The following ELAPOR1 variants were observed in gnomAD, a reference collection of about 807,000 sequenced individuals.
ELAPOR1 encodes the protein endosome/lysosome-associated apoptosis and autophagy regulator 1.
A neutral mutation model predicts 119.7 loss-of-function variants in ELAPOR1; 77 were observed. The ratio of observed to expected loss-of-function variants is 0.64; its 90% confidence interval spans 0.54 to 0.78. The LOEUF is 0.78. Among genes scored for constraint, ELAPOR1 ranks in the 30% least tolerant of loss-of-function variants. The pLI is 0.00. For synonymous variants in ELAPOR1, 481 were observed against 487.2 expected (o/e 0.99, Z 0.17); for missense variants, 1,115 against 1,270.4 (o/e 0.88, Z 1.86).
chr1:109,164,240 T>G (rs1651433608), intron 2 of ELAPOR1, among the ~76,000 whole-genome samples: 1 of 152,110 alleles, frequency 6.6e-6, no homozygotes, highest in Non-Finnish European at 1.5e-5. Flanking sequence ...CAAATCTACT[T>G]TCTGTCTCTA....
rs541638278 is a variant in ELAPOR1 at position 109,170,703 on chromosome 1, A to G, written c.468-1163A>G. On this transcript the variant is annotated intron_variant, in intron 3 of 21. Transcript: ENST00000369939. ...AGTCCCAGGGGTTTTAATTTGAAGCAAGGGAGTGCCATGGTCAGACGTCTA... is the reference window on the plus strand; with the variant it reads ...AGTCCCAGGGGTTTTAATTTGAAGCGAGGGAGTGCCATGGTCAGACGTCTA... Among the ~76,000 whole-genome samples, 12 of 152,302 alleles carry G rather than the reference A, an allele frequency of 7.9e-5. No individual in the cohort carries two copies. The South Asian group carries it at 2.5e-3, about 32-fold the overall frequency.
Position 109,192,891 on chromosome 1 carries a change from A to G in ELAPOR1, c.1947+17A>G. ...AACAACAAGGTACCTGTAGTCTGGC[A>G]TGCATCCTAAACCTGACCCTCTGCT... On this transcript the variant is annotated intron_variant, in intron 14 of 21. Coordinates refer to ENST00000369939, the MANE Select transcript of ELAPOR1 (RefSeq NM_020775.5). The G allele has an allele frequency of 1.2e-6, 2 of 1,611,842 alleles. No individual in the cohort carries two copies. Among genetic ancestry groups the G allele is most frequent in the South Asian group, 1.1e-5 (1 of 90,894 alleles).
chr1:109,117,954 C>T lies in ELAPOR1; in HGVS notation c.153+3618C>T, dbSNP rs148917463. On this transcript the variant is annotated intron_variant, in intron 1 of 21. Coordinates refer to ENST00000369939, the MANE Select transcript of ELAPOR1 (RefSeq NM_020775.5). ...AAACCAGCCTGGCCAACATTGAAAC[C>T]CTGTCTCTACTAAAAATACAAAATT... 1.3e-3 allele frequency among the ~76,000 whole-genome samples: 192 copies of T among 152,122 alleles called. 1 individual carries two copies. The highest frequency in any genetic ancestry group is 4.3e-3 in the African/African-American group (179 of 41,502).
intron 21 of ELAPOR1, chr1:109,201,294 A>C (rs1654159977): frequency 2.2e-6 from 1 of 457,806 alleles, no homozygotes; most frequent in African/African-American, 2.0e-5. Flanking sequence ...CTCTCCTTTG[A>C]CCAGTGGGGG....
intron 1 of ELAPOR1, among the ~76,000 whole-genome samples, chr1:109,144,033 T>TTATA (rs1265476565): frequency 1.1e-3 from 103 of 91,816 alleles, no homozygotes; most frequent in African/African-American, 1.6e-3. Context: ...TTTTCTAAAA[T>TTATA]TATATATATA....
intron 1 of ELAPOR1, among the ~76,000 whole-genome samples, chr1:109,144,059 A>ATTTTT (rs1243626258): frequency 7.3e-4 from 25 of 34,422 alleles, no homozygotes; most frequent in South Asian, 4.3e-3. Flanking sequence ...ATATATTTAT[A>ATTTTT]TATTTTTTTT....
In ELAPOR1 at chr1:109,173,539, A is replaced by T. The variant is rs1314249586; in HGVS notation, c.762A>T (p.Lys254Asn). The change falls in exon 6 of 22, where the codon AAA (lysine) becomes AAT (asparagine). Residue 254 changes from lysine to asparagine, a missense_variant. By Grantham distance (94) the Lys-to-Asn change is moderately conservative. Coordinates refer to ENST00000369939, the MANE Select transcript of ELAPOR1 (RefSeq NM_020775.5). The part of the protein sequence containing the change: ...WRTTAFSVWT[K>N]VPKPVLVRNI... Reference sequence around the variant, plus strand: ...CCACAGCCTTCTCAGTATGGACCAAAGTACCCAAGCCTGTGCTGGTGAGAA... The same window carrying T: ...CCACAGCCTTCTCAGTATGGACCAATGTACCCAAGCCTGTGCTGGTGAGAA... The T allele has an allele frequency of 6.2e-7, 1 of 1,614,098 alleles. No individual in the cohort carries two copies. Among genetic ancestry groups the T allele is most frequent in the African/African-American group, 1.3e-5 (1 of 74,936 alleles).
chr1:109,177,020 T>C (rs75851782), intron 7 of ELAPOR1, among the ~76,000 whole-genome samples: 14,431 of 118,328 alleles, frequency 0.12, 1,098 homozygotes, highest in Middle Eastern at 0.22. Flanking sequence ...TACACAGACA[T>C]GGCAACCATC....
At chr1:109,192,984 CT>C (rs1653549528) in intron 14 of ELAPOR1, 110 bp downstream of exon 14, 7 of 1,228,362 alleles carry the variant, frequency 5.7e-6, no homozygotes, top group Middle Eastern at 2.9e-4. Flanking sequence ...AGTGCTCCCC[CT>C]AGCATACTCC....
At chr1:109,201,298 G>GT (rs1430395081) in intron 21 of ELAPOR1, 4 of 457,744 alleles carry the variant, frequency 8.7e-6, no homozygotes. Flanking sequence ...CCTTTGACCA[G>GT]TGGGGGGTGC....
chr1:109,122,356 T>TAAAA (rs71069650), intron 1 of ELAPOR1, among the ~76,000 whole-genome samples: 1 of 115,034 alleles, frequency 8.7e-6, no homozygotes. Flanking sequence ...ACCTTTCCAT[T>TAAAA]AAAAAAAAAA....
chr1:109,157,144 C>T (rs1650930062), intron 1 of ELAPOR1, among the ~76,000 whole-genome samples: 1 of 152,066 alleles, frequency 6.6e-6, no homozygotes, highest in Non-Finnish European at 1.5e-5. Context: ...GCTTGAAAGC[C>T]AGTGCTGTGC....
At position 109,164,484 on chromosome 1, in the gene ELAPOR1, T is replaced by C. The variant is rs1170767818; in HGVS notation, c.275-15T>C. ...TGACCTCACTGCCCCACCTTGTCTC[T>C]GCCCTGTTTTCCAGCCTTCTCCTGC... On this transcript the variant is annotated splice_polypyrimidine_tract_variant and intron_variant, in intron 2 of 21. Coordinates refer to ENST00000369939, the MANE Select transcript of ELAPOR1 (RefSeq NM_020775.5). The C allele has an allele frequency of 6.3e-7, 1 of 1,599,780 alleles. No individual in the cohort carries two copies. The highest frequency in any genetic ancestry group is 8.5e-7 in the Non-Finnish European group (1 of 1,170,592).
intron 1 of ELAPOR1, among the ~76,000 whole-genome samples, chr1:109,141,930 G>A (rs985173970): frequency 1.3e-5 from 2 of 151,952 alleles, no homozygotes; most frequent in Admixed American, 1.3e-4. Context: ...CTCTCGAAGT[G>A]CTAGGATTAT....
In ELAPOR1 at chr1:109,199,862, C is replaced by T. The variant is rs766829783; in HGVS notation, c.2510C>T (p.Ser837Leu). The change falls in exon 19 of 22, where the codon TCG (serine) becomes TTG (leucine). Residue 837 changes from serine to leucine, a missense_variant. Ser to Leu is a moderately radical substitution (Grantham distance 145). Transcript: ENST00000369939. ...CTTTTCTGCTTTGCTAGAACGTGCTCGGATGGGACCTGTGATGGCTGCAAC... is the reference window on the plus strand; with the variant it reads ...CTTTTCTGCTTTGCTAGAACGTGCTTGGATGGGACCTGTGATGGCTGCAAC... ...PGSLLLPGTC[S>L]DGTCDGCNFH... 1.8e-5 allele frequency: 29 copies of T among 1,611,968 alleles called. No individual in the cohort carries two copies. The East Asian group carries it at 2.7e-4, about 15-fold the overall frequency.
At position 109,124,687 on chromosome 1, in the gene ELAPOR1, C is replaced by T. The variant is rs147621098; in HGVS notation, c.153+10351C>T. Among the ~76,000 whole-genome samples the T allele has an allele frequency of 1.7e-3, 254 of 152,276 alleles. 1 individual carries two copies. Among genetic ancestry groups the T allele is most frequent in the Admixed American group, 3.7e-3 (56 of 15,274 alleles). On this transcript the variant is annotated intron_variant, in intron 1 of 21. Transcript: ENST00000369939. The stretch of plus-strand genomic sequence containing the variant: ...CAATTTTTACTTCTCATTAACCTTG[C>T]ACACCGTCACCTTTTCTCACATCCT...
intron 3 of ELAPOR1, among the ~76,000 whole-genome samples, chr1:109,166,175 A>G: frequency 6.6e-6 from 1 of 151,974 alleles, no homozygotes; most frequent in East Asian, 1.9e-4. Flanking sequence ...TCGGCCTCCC[A>G]AAGTGCTGGG....
At chr1:109,189,731 G>A (rs531710504) in intron 11 of ELAPOR1, 49 bp downstream of exon 11, 11 of 1,416,476 alleles carry the variant, frequency 7.8e-6, no homozygotes, top group East Asian at 4.6e-5. Flanking sequence ...GGCCATATCC[G>A]AATCCCACGT....
intron 3 of ELAPOR1, 73 bp from the exon 4 acceptor site, chr1:109,171,793 T>G: frequency 2.8e-5 from 42 of 1,483,824 alleles, no homozygotes; most frequent in Non-Finnish European, 3.7e-5. Flanking sequence ...CAGCAGAACA[T>G]GAGACCTGCA....
Sources: allele counts gnomAD v4.1 joint callset (sites outside exome capture counted in the v4.1 genomes callset), GRCh38; gene constraint gnomAD v4.1.1; transcripts MANE v1.5; gene names NCBI Gene and HGNC (gene_info 2026-07-23, HGNC 2026-07-21).